TNS1: variants seen among roughly 807,000 people sequenced by gnomAD.
TNS1 encodes tensin-1.
In TNS1, 62 loss-of-function variants were observed where a neutral mutation model predicts 168.6. That is an observed-to-expected ratio of 0.37 (90% confidence interval 0.30 to 0.45). The LOEUF (loss-of-function observed/expected upper bound fraction) is 0.45. Among genes scored for constraint, TNS1 ranks in the 20% least tolerant of loss-of-function variants. TNS1 has a pLI of 1.00. For synonymous variants in TNS1, 934 were observed against 933.2 expected (o/e 1.00, Z -0.02); for missense variants, 2,240 against 2,339.4 (o/e 0.96, Z 0.88).
chr2:217,809,411 GGA>G, intron 30 of TNS1, among the ~76,000 whole-genome samples: 1 of 131,550 alleles, frequency 7.6e-6, no homozygotes. Flanking sequence ...ATGGATGGAT[GGA>G]TGCATGGATG....
intron 7 of TNS1, 112 bp from the exon 8 acceptor site, chr2:217,898,081 G>GC: frequency 8.0e-7 from 1 of 1,250,000 alleles, no homozygotes. Context: ...GCAGCCCAGG[G>GC]TGCTTGGCTG....
chr2:217,988,735 C>A (rs1338962515), intron 2 of TNS1, among the ~76,000 whole-genome samples: 2 of 152,134 alleles, frequency 1.3e-5, no homozygotes, highest in African/African-American at 4.8e-5. Flanking sequence ...TTGCAAAAGT[C>A]CTGGTTAGCC....
At position 217,978,666 on chromosome 2, in the gene TNS1, G is replaced by C. The variant is rs976486989; in HGVS notation, c.186+99C>G. 8 of 636,316 alleles carry C rather than the reference G, an allele frequency of 1.3e-5. No individual in the cohort carries two copies. The East Asian group carries it at 2.3e-4, about 18-fold the overall frequency. The allele number at this position is 636,316 out of a possible 1,614,324, so 39.4% of individuals were successfully genotyped here. On this transcript the variant is annotated intron_variant, in intron 3 of 32. Transcript: ENST00000682258. The stretch of plus-strand genomic sequence containing the variant: ...CAAAGAGAGGAGGAGGGACGCCCCG[G>C]GCACCGCCCCCGCCCCGCCGGCGCC...
chr2:218,020,620 G>T (rs1958799197), intron 1 of TNS1, among the ~76,000 whole-genome samples: 1 of 152,108 alleles, frequency 6.6e-6, no homozygotes, highest in East Asian at 1.9e-4. Flanking sequence ...CAGGAAGGTT[G>T]GTAGAATATG....
rs945589665 is a variant in TNS1, at chr2:218,033,650, A to G, written c.156+170T>C. Among the ~76,000 whole-genome samples the G allele has an allele frequency of 6.6e-6, 1 of 151,826 alleles. No individual in the cohort carries two copies. The highest frequency in any genetic ancestry group is 2.4e-5 in the African/African-American group (1 of 41,312). On this transcript the variant is annotated intron_variant, in intron 1 of 1. Transcript: ENST00000649572. The surrounding 1 kb of genome is among the most constrained non-coding windows in gnomAD (Gnocchi z 4.3). ...CCTCTACCCAACTGGAGGCCCCTTC[A>G]CCCGGTCGTGGTCCTTCCTCCCCCT...
chr2:217,999,503 T>C (rs892450458), intron 1 of TNS1, among the ~76,000 whole-genome samples: 1 of 152,208 alleles, frequency 6.6e-6, no homozygotes, highest in Admixed American at 6.5e-5. Flanking sequence ...CTTTCAACAC[T>C]GCAGAATAAA....
intron 1 of TNS1, among the ~76,000 whole-genome samples, chr2:218,027,515 A>G (rs966343469): frequency 6.6e-6 from 1 of 151,978 alleles, no homozygotes; most frequent in Non-Finnish European, 1.5e-5. Context: ...ACTTGTTCAA[A>G]GTGTCGCCTC....
chr2:217,929,145 C>T (rs1203827648), intron 3 of TNS1, among the ~76,000 whole-genome samples: 1 of 152,204 alleles, frequency 6.6e-6, no homozygotes, highest in African/African-American at 2.4e-5. Flanking sequence ...GCCACTGAAG[C>T]CAGGCCCTCC....
upstream of TNS1, among the ~76,000 whole-genome samples, chr2:218,003,939 G>A (rs1191248283): frequency 1.3e-5 from 2 of 152,108 alleles, no homozygotes; most frequent in Admixed American, 6.5e-5. Flanking sequence ...GGGTGGAAAG[G>A]AGGCTGGGTC....
intron 1 of TNS1, among the ~76,000 whole-genome samples, chr2:218,030,893 G>A (rs1248456766): frequency 2.0e-5 from 3 of 152,194 alleles, no homozygotes; most frequent in African/African-American, 7.2e-5. Flanking sequence ...GTAAGCGTGT[G>A]TGTATGCATG....
At position 217,801,136 on chromosome 2, in the gene TNS1, T is replaced by C. The variant is rs1445860344; in HGVS notation, c.*3323A>G. The C allele has an allele frequency of 6.6e-6, 1 of 152,138 alleles. No individual in the cohort carries two copies. The highest frequency in any genetic ancestry group is 1.5e-5 in the Non-Finnish European group (1 of 68,034). The allele number at this position is 152,138 out of a possible 1,614,324, so 9.4% of individuals were successfully genotyped here. A position where few individuals can be genotyped will look rare whatever the true frequency, so the allele number is the denominator to read the frequency against. Reference sequence around the variant, plus strand: ...GGAGGAGACGCTCAGATGACATGGGTCAAAGGCCTTTCCCAAACTTAGGAT... The same window carrying C: ...GGAGGAGACGCTCAGATGACATGGGCCAAAGGCCTTTCCCAAACTTAGGAT... On this transcript the variant is annotated 3_prime_UTR_variant, in exon 33 of 33. Transcript: ENST00000682258.
At chr2:217,923,521 C>T (rs950209763) in intron 3 of TNS1, among the ~76,000 whole-genome samples, 19 of 152,158 alleles carry the variant, frequency 1.2e-4, no homozygotes, top group East Asian at 1.9e-4. Flanking sequence ...AATGAGTTGG[C>T]CAACAGGAGG....
chr2:217,980,762 C>T (rs879325652), intron 2 of TNS1, among the ~76,000 whole-genome samples: 8 of 151,998 alleles, frequency 5.3e-5, no homozygotes, highest in Non-Finnish European at 1.2e-4. Flanking sequence ...CAATGGGGGC[C>T]GGGACTCCAC....
chr2:217,950,844 A>C (rs1957223228), intron 3 of TNS1, among the ~76,000 whole-genome samples: 2 of 147,922 alleles, frequency 1.4e-5, no homozygotes. Flanking sequence ...GCTTCAGTTT[A>C]CCCCTCGGCT....
intron 3 of TNS1, among the ~76,000 whole-genome samples, chr2:217,974,072 A>C (rs184151980): frequency 5.3e-4 from 80 of 152,348 alleles, no homozygotes; most frequent in African/African-American, 1.9e-3. Flanking sequence ...ATGAACATTC[A>C]AGAACAGGCA....
chr2:217,966,870 C>A (rs1211981523), intron 3 of TNS1, among the ~76,000 whole-genome samples: 1 of 152,224 alleles, frequency 6.6e-6, no homozygotes, highest in Non-Finnish European at 1.5e-5. Context: ...AGCAGGAAGC[C>A]CACATCACTG....
rs556549507 is a variant in TNS1 at position 217,934,980 on chromosome 2, A to G, written c.187-14744T>C. 1.3e-3 allele frequency among the ~76,000 whole-genome samples: 198 copies of G among 152,350 alleles called. 1 individual carries two copies. Among genetic ancestry groups the G allele is most frequent in the African/African-American group, 4.6e-3 (190 of 41,572 alleles). On this transcript the variant is annotated intron_variant, in intron 3 of 32. Transcript: ENST00000682258. ...CGCAATTGAGGAAACCAAAGCCCAA[A>G]AAGTGGAAGCAATTTGCCTGAAGTC...
At position 218,031,013 on chromosome 2, in the gene TNS1, T is replaced by A. The variant is rs556870823; in HGVS notation, c.156+2807A>T. 9.0e-5 allele frequency among the ~76,000 whole-genome samples: 13 copies of A among 143,944 alleles called. No individual in the cohort carries two copies. In the South Asian group the frequency reaches 3.2e-3, roughly 36 times the overall value. 94.4% of individuals were successfully genotyped at this position (143,944 alleles called of 152,430 possible). ...GTATGTATGAGTGTGAGTGTGGGAG[T>A]GTATGTGTGTATGTGTGTGTATGTG... On this transcript the variant is annotated intron_variant, in intron 1 of 1. Coordinates refer to the TNS1 transcript ENST00000649572.
chr2:218,029,983 C>T (rs1046952101), intron 1 of TNS1, among the ~76,000 whole-genome samples: 1 of 152,184 alleles, frequency 6.6e-6, no homozygotes, highest in Non-Finnish European at 1.5e-5. Context: ...TCCTGCTCCT[C>T]GTCCACATCC....
Sources: allele counts gnomAD v4.1 joint callset (sites outside exome capture counted in the v4.1 genomes callset), GRCh38; gene constraint gnomAD v4.1.1; non-coding constraint Gnocchi (gnomAD v3.1); transcripts MANE v1.5; gene names NCBI Gene and HGNC (gene_info 2026-07-23, HGNC 2026-07-21).